Variants in CNTN5 observed in about 807,000 individuals in gnomAD.
The protein encoded by CNTN5 is contactin-5.
A neutral mutation model predicts 129.1 loss-of-function variants in CNTN5; 77 were observed. That is an observed-to-expected ratio of 0.60 (90% CI 0.50 to 0.72). The LOEUF is 0.72. CNTN5 is among the 30% of genes least tolerant of loss of function. The pLI, the probability that CNTN5 is intolerant of heterozygous loss-of-function variation, is 0.00. For missense variants in CNTN5, 1,478 were observed against 1,328.8 expected, an observed-to-expected ratio of 1.11 and a Z score of -1.75; for synonymous variants, 509 against 465.6, an observed-to-expected ratio of 1.09 and a Z score of -1.20.
At chr11:99,578,130 C>A (rs961319064) in intron 3 of CNTN5, among the ~76,000 whole-genome samples, 2 of 152,016 alleles carry the variant, frequency 1.3e-5, no homozygotes, top group African/African-American at 4.8e-5. Flanking sequence ...TTTCCAGTTT[C>A]ATCCATGTCC....
At chr11:100,219,317 T>A (rs1177601916) in intron 15 of CNTN5, among the ~76,000 whole-genome samples, 1 of 152,162 alleles carries the variant, frequency 6.6e-6, no homozygotes, top group Non-Finnish European at 1.5e-5. Context: ...GAATAAACAA[T>A]AAAGGGAGAT....
At chr11:100,157,410 AATGGGCAGAATT>A (rs950269334) in intron 13 of CNTN5, among the ~76,000 whole-genome samples, 107 of 152,010 alleles carry the variant, frequency 7.0e-4, no homozygotes, top group African/African-American at 2.5e-3. Context: ...AATATGCTAA[AATGGGCAGAATT>A]CTATTTAAGG....
At chr11:99,124,373 G>A (rs1858512612) in intron 1 of CNTN5, among the ~76,000 whole-genome samples, 1 of 151,948 alleles carries the variant, frequency 6.6e-6, no homozygotes, top group African/African-American at 2.4e-5. Context: ...TTTGCACGTC[G>A]ATTTTGTATC....
At chr11:99,089,974 G>A (rs1441281408) in intron 1 of CNTN5, among the ~76,000 whole-genome samples, 1 of 152,110 alleles carries the variant, frequency 6.6e-6, no homozygotes, top group Non-Finnish European at 1.5e-5. Context: ...ATTTACTATG[G>A]TGAATCTGGA....
chr11:100,333,136 CAG>C (rs1951942815), intron 21 of CNTN5, among the ~76,000 whole-genome samples: 1 of 152,106 alleles, frequency 6.6e-6, no homozygotes, highest in African/African-American at 2.4e-5. Flanking sequence ...ATGCCAACAG[CAG>C]CCAAGCTGAG....
intron 1 of CNTN5, among the ~76,000 whole-genome samples, chr11:99,078,709 GTTCT>G (rs983446329): frequency 7.9e-5 from 12 of 152,232 alleles, no homozygotes; most frequent in African/African-American, 2.6e-4. Flanking sequence ...AACTACATAT[GTTCT>G]TACTCATTTG....
chr11:99,168,361 C>G (rs1001810267), intron 1 of CNTN5, among the ~76,000 whole-genome samples: 7 of 152,002 alleles, frequency 4.6e-5, no homozygotes, highest in African/African-American at 1.7e-4. Flanking sequence ...CGGCAGGTCA[C>G]AAGGTCAGGA....
At chr11:99,272,717 T>C (rs1475034373) in intron 1 of CNTN5, among the ~76,000 whole-genome samples, 2 of 151,872 alleles carry the variant, frequency 1.3e-5, no homozygotes, top group Non-Finnish European at 2.9e-5. Flanking sequence ...GTGTTAATTG[T>C]ATTCAAATAA....
chr11:99,751,864 T>A (rs1312682587), intron 3 of CNTN5, among the ~76,000 whole-genome samples: 1 of 152,154 alleles, frequency 6.6e-6, no homozygotes, highest in Non-Finnish European at 1.5e-5. Context: ...CCCTTATGAA[T>A]GGGATTATAA....
chr11:99,173,056 T>G (rs577103574), intron 1 of CNTN5, among the ~76,000 whole-genome samples: 1 of 152,266 alleles, frequency 6.6e-6, no homozygotes, highest in Admixed American at 6.5e-5. Flanking sequence ...GCAACTCCCA[T>G]TTTTAAAACC....
Position 99,722,912 on chromosome 11 carries a change from C to G in CNTN5, c.56-96632C>G, listed in dbSNP as rs369742099. Among the ~76,000 whole-genome samples, 19 of 152,096 alleles carry G rather than the reference C, an allele frequency of 1.2e-4. 1 individual carries two copies. In the South Asian group the frequency reaches 3.5e-3, roughly 28 times the overall value. On this transcript the variant is annotated intron_variant, in intron 3 of 24. Transcript: ENST00000524871. ...CCAGTCGTGTCATCAATCATCCTTG[C>G]ACTCTCATTTCCTCAGACACTTATT...
intron 1 of CNTN5, among the ~76,000 whole-genome samples, chr11:99,283,309 T>G (rs992503283): frequency 2.0e-5 from 3 of 152,092 alleles, no homozygotes; most frequent in East Asian, 1.9e-4. Flanking sequence ...AGCTAAAAAT[T>G]TAGCACTTTT....
chr11:99,837,596 C>T (rs1947345910), intron 4 of CNTN5, among the ~76,000 whole-genome samples: 1 of 149,190 alleles, frequency 6.7e-6, no homozygotes, highest in Non-Finnish European at 1.5e-5. Context: ...CCATGTCAAA[C>T]CTAAAAAAGG....
chr11:99,197,825 T>A (rs1362215615), intron 1 of CNTN5, among the ~76,000 whole-genome samples: 2 of 152,130 alleles, frequency 1.3e-5, no homozygotes, highest in Non-Finnish European at 2.9e-5. Context: ...TTGTTTGATT[T>A]ATTATTTTCT....
chr11:100,129,832 T>C (rs1312192609), intron 13 of CNTN5, among the ~76,000 whole-genome samples: 3 of 148,114 alleles, frequency 2.0e-5, no homozygotes, highest in African/African-American at 7.5e-5. Flanking sequence ...TATATTTGTG[T>C]GTGTGTTTGT....
intron 3 of CNTN5, among the ~76,000 whole-genome samples, chr11:99,797,390 T>G (rs571083621): frequency 6.6e-6 from 1 of 152,276 alleles, no homozygotes; most frequent in African/African-American, 2.4e-5. Context: ...GTGTTCCCTT[T>G]ACACTGCAGC....
chr11:99,822,442 C>A (rs1281162289), intron 4 of CNTN5, among the ~76,000 whole-genome samples: 2 of 151,884 alleles, frequency 1.3e-5, no homozygotes, highest in African/African-American at 4.8e-5. Context: ...ATGGATAGAC[C>A]TCAAAATAGA....
At chr11:99,573,944 T>C (rs1448929872) in intron 3 of CNTN5, among the ~76,000 whole-genome samples, 1 of 152,162 alleles carries the variant, frequency 6.6e-6, no homozygotes, top group East Asian at 1.9e-4. Flanking sequence ...CTGGGATACA[T>C]GTGCAGAACG....
chr11:99,581,150 G>C (rs879387319), intron 3 of CNTN5, among the ~76,000 whole-genome samples: 3,708 of 89,208 alleles, frequency 0.042, no homozygotes, highest in East Asian at 0.058. Context: ...TTTTGAGTGA[G>C]TTTCTTAATC....
Sources: gnomAD v4.1 joint callset for allele counts (sites outside exome capture counted in the v4.1 genomes callset) on GRCh38, gnomAD v4.1.1 for gene constraint, MANE v1.5 for transcripts, NCBI Gene and HGNC (gene_info 2026-07-23, HGNC 2026-07-21) for gene names.